EYA1: variants seen among roughly 807,000 people sequenced by gnomAD.
EYA1 encodes EYA transcriptional coactivator and phosphatase 1, also known as protein phosphatase EYA1.
EYA1 carries 16 observed loss-of-function variants against 82.0 expected under a neutral mutation model. That is an observed-to-expected ratio of 0.20 (90% CI 0.13 to 0.30). EYA1 has a LOEUF of 0.30. EYA1 is among the 10% of genes least tolerant of loss of function. The pLI, the probability that EYA1 is intolerant of heterozygous loss-of-function variation, is 1.00. For missense variants in EYA1, 633 were observed against 730.7 expected, an observed-to-expected ratio of 0.87 and a Z score of 1.54; for synonymous variants, 261 against 264.4, an observed-to-expected ratio of 0.99 and a Z score of 0.12.
At chr8:71,231,582 G>A (rs1393337017) in intron 12 of EYA1, among the ~76,000 whole-genome samples, 3 of 152,186 alleles carry the variant, frequency 2.0e-5, no homozygotes, top group African/African-American at 7.2e-5. Context: ...CATCATTGCT[G>A]TGATGGAATT....
In EYA1 at chr8:71,420,592, A is replaced by G. The variant is rs150827951; in HGVS notation, c.34-64081T>C. 5.3e-5 allele frequency among the ~76,000 whole-genome samples: 8 copies of G among 152,288 alleles called. No homozygotes were observed. The East Asian group carries it at 1.4e-3, about 26-fold the overall frequency. ...GTAGAGTCAGGTCAGATCTGGCGCTAAGTGAAAGTAATAATGGATACAGCA... is the reference window on the plus strand; with the variant it reads ...GTAGAGTCAGGTCAGATCTGGCGCTGAGTGAAAGTAATAATGGATACAGCA... On this transcript the variant is annotated intron_variant, in intron 2 of 18. Coordinates refer to the EYA1 transcript ENST00000643681.
upstream of EYA1, among the ~76,000 whole-genome samples, chr8:71,364,734 A>G (rs1827638536): frequency 2.6e-5 from 4 of 151,922 alleles, no homozygotes; most frequent in Admixed American, 2.6e-4. Flanking sequence ...AAGGGAAAAT[A>G]CTTGAAATAT....
At chr8:71,529,989 A>C (rs1005500559) in intron 2 of EYA1, 1 of 152,056 alleles carries the variant, frequency 6.6e-6, no homozygotes, top group Non-Finnish European at 1.5e-5. Flanking sequence ...TAGGCCTCAC[A>C]CTCTTATTAG....
chr8:71,418,890 T>G (rs1830998077), intron 2 of EYA1, among the ~76,000 whole-genome samples: 1 of 152,052 alleles, frequency 6.6e-6, no homozygotes, highest in African/African-American at 2.4e-5. Flanking sequence ...GATGGGGACC[T>G]AAAGGAAGTA....
At chr8:71,338,595 G>T (rs1036678335) in intron 3 of EYA1, among the ~76,000 whole-genome samples, 2 of 152,178 alleles carry the variant, frequency 1.3e-5, no homozygotes, top group Admixed American at 6.5e-5. Flanking sequence ...TACCTTGAAG[G>T]TTCCAGTCGT....
chr8:71,362,389 GCAA>G (rs1827486293), upstream of EYA1, among the ~76,000 whole-genome samples: 1 of 151,922 alleles, frequency 6.6e-6, no homozygotes, highest in South Asian at 2.1e-4. Flanking sequence ...GCGTCCTCTT[GCAA>G]CAGTAGTTAC....
intron 2 of EYA1, among the ~76,000 whole-genome samples, chr8:71,395,410 A>G (rs1471238203): frequency 6.6e-6 from 1 of 152,180 alleles, no homozygotes; most frequent in Non-Finnish European, 1.5e-5. Context: ...CCCATTCAGT[A>G]TGATATTGGC....
At chr8:71,278,237 C>T (rs1817428693) in intron 9 of EYA1, among the ~76,000 whole-genome samples, 1 of 152,118 alleles carries the variant, frequency 6.6e-6, no homozygotes, top group Non-Finnish European at 1.5e-5. Flanking sequence ...GATTAGTTAC[C>T]TTCATATTAA....
chr8:71,207,756 C>CACAAATATCAGAGTTTATTATCA (rs1301282059), intron 17 of EYA1, among the ~76,000 whole-genome samples: 1 of 151,126 alleles, frequency 6.6e-6, no homozygotes, highest in African/African-American at 2.4e-5. Context: ...GTTGAGAAAA[C>CACAAATATCAGAGTTTATTATCA]ACAAATATCA....
chr8:71,316,908 G>C (rs934072794), intron 7 of EYA1, among the ~76,000 whole-genome samples: 1 of 152,148 alleles, frequency 6.6e-6, no homozygotes, highest in Non-Finnish European at 1.5e-5. Flanking sequence ...ATGTATTCTT[G>C]AGACCAGCTT....
At chr8:71,512,040 T>TATGTCATGATCAAATGATATGTA (rs1409817551) in intron 2 of EYA1, among the ~76,000 whole-genome samples, 1 of 156 alleles carries the variant, frequency 6.4e-3, no homozygotes, top group Non-Finnish European at 0.024. Context: ...ATGATATGCA[T>TATGTCATGATCAAATGATATGTA]TATGTCATGA....
chr8:71,429,201 A>C (rs1342254695), intron 2 of EYA1, among the ~76,000 whole-genome samples: 1 of 152,210 alleles, frequency 6.6e-6, no homozygotes, highest in Non-Finnish European at 1.5e-5. Flanking sequence ...TTAGCAAATG[A>C]ATTTGGATAC....
intron 9 of EYA1, among the ~76,000 whole-genome samples, chr8:71,275,143 C>A (rs1481503092): frequency 1.3e-5 from 2 of 151,994 alleles, no homozygotes; most frequent in African/African-American, 4.8e-5. Flanking sequence ...GAATGGGAGA[C>A]CGGCCAGGAG....
intron 2 of EYA1, among the ~76,000 whole-genome samples, chr8:71,393,394 C>A (rs1053514344): frequency 6.6e-6 from 1 of 151,972 alleles, no homozygotes; most frequent in African/African-American, 2.4e-5. Context: ...GTGCTGCACC[C>A]GTTAACTCCT....
At chr8:71,327,221 T>C (rs1823261814) in intron 4 of EYA1, among the ~76,000 whole-genome samples, 1 of 152,230 alleles carries the variant, frequency 6.6e-6, no homozygotes. Context: ...GCCTAGAACA[T>C]TGCTTGGCAT....
chr8:71,407,552 G>C (rs867740805), intron 2 of EYA1, among the ~76,000 whole-genome samples: 2,631 of 137,668 alleles, frequency 0.019, 86 homozygotes, highest in African/African-American at 0.073. Context: ...TGAAAACCAA[G>C]GCTCGAGAAC....
chr8:71,492,154 G>T (rs2129225755), intron 2 of EYA1, among the ~76,000 whole-genome samples: 2 of 152,242 alleles, frequency 1.3e-5, no homozygotes, highest in African/African-American at 4.8e-5. Context: ...TGGAGTCTTG[G>T]TTCAGGAAAA....
At chr8:71,283,082 C>A (rs922030982) in intron 9 of EYA1, among the ~76,000 whole-genome samples, 1 of 152,070 alleles carries the variant, frequency 6.6e-6, no homozygotes, top group South Asian at 2.1e-4. Flanking sequence ...TTCTCATGCC[C>A]ACAAGGCCTT....
At chr8:71,523,314 G>T (rs1156809541) in intron 2 of EYA1, among the ~76,000 whole-genome samples, 2 of 151,856 alleles carry the variant, frequency 1.3e-5, no homozygotes, top group African/African-American at 4.8e-5. Context: ...GGGTAGCTGG[G>T]ACTACAGGCA....
Sources: allele counts gnomAD v4.1 joint callset (sites outside exome capture counted in the v4.1 genomes callset), GRCh38; gene constraint gnomAD v4.1.1; transcripts MANE v1.5; gene names NCBI Gene and HGNC (gene_info 2026-07-23, HGNC 2026-07-21).